The following CNTNAP2 variants were observed in gnomAD, a reference collection of about 807,000 sequenced individuals.
The protein encoded by CNTNAP2 is contactin-associated protein-like 2.
In CNTNAP2, 98 loss-of-function variants were observed where a neutral mutation model predicts 155.2. The ratio of observed to expected loss-of-function variants is 0.63; its 90% CI spans 0.54 to 0.75. The LOEUF is 0.75. Ranked by LOEUF, CNTNAP2 falls within the 30% of genes least tolerant of loss-of-function variation. The pLI is 0.00. For synonymous variants in CNTNAP2, 651 were observed against 631.2 expected (o/e 1.03, Z -0.47); for missense variants, 1,727 against 1,688.1 (o/e 1.02, Z -0.40).
intron 21 of CNTNAP2, among the ~76,000 whole-genome samples, chr7:148,373,592 G>A (rs1798929249): frequency 6.6e-6 from 1 of 152,178 alleles, no homozygotes; most frequent in Non-Finnish European, 1.5e-5. Flanking sequence ...GTTCATCCTT[G>A]ACCAAAGCAT....
At position 147,567,814 on chromosome 7, in the gene CNTNAP2, G is replaced by A. The variant is rs376736912; in HGVS notation, c.1897+5557G>A. Among the ~76,000 whole-genome samples the A allele has an allele frequency of 5.3e-5, 8 of 152,300 alleles. 1 individual carries two copies. In the South Asian group the frequency reaches 6.2e-4, roughly 12 times the overall value. On this transcript the variant is annotated intron_variant, in intron 12 of 23. Transcript: ENST00000361727. ...AAAAAAAAAATCTTTGGCCGGGCAC[G>A]GCGGCTCATGCCTGTAATCCCAGCA...
intron 3 of CNTNAP2, among the ~76,000 whole-genome samples, chr7:146,840,979 G>A (rs561480243): frequency 1.3e-5 from 2 of 152,270 alleles, no homozygotes; most frequent in East Asian, 3.9e-4. Context: ...AGCAAGTAGT[G>A]GGAAAAATGC....
chr7:147,427,360 T>C (rs556365423), intron 10 of CNTNAP2, among the ~76,000 whole-genome samples: 3 of 152,156 alleles, frequency 2.0e-5, no homozygotes, highest in Non-Finnish European at 4.4e-5. Flanking sequence ...CCTGGAAGTA[T>C]GTGGAATGGC....
intron 1 of CNTNAP2, among the ~76,000 whole-genome samples, chr7:146,395,826 G>GGAGA (rs35033097): frequency 0.029 from 3,377 of 116,714 alleles, 95 homozygotes; most frequent in African/African-American, 0.073. Context: ...GATAGATAGA[G>GGAGA]GAGAGAGAGA....
intron 8 of CNTNAP2, among the ~76,000 whole-genome samples, chr7:147,199,364 C>G (rs1001558932): frequency 1.3e-5 from 2 of 152,174 alleles, no homozygotes; most frequent in South Asian, 4.1e-4. Flanking sequence ...TAAAATTTCA[C>G]AGCAAGATGC....
At chr7:146,900,571 T>C (rs979966834) in intron 3 of CNTNAP2, among the ~76,000 whole-genome samples, 1 of 152,302 alleles carries the variant, frequency 6.6e-6, no homozygotes, top group Admixed American at 6.5e-5. Flanking sequence ...CCTATCTTGC[T>C]AGTCCCATCT....
At chr7:148,240,466 C>T (rs1454350439) in intron 20 of CNTNAP2, among the ~76,000 whole-genome samples, 3 of 152,110 alleles carry the variant, frequency 2.0e-5, no homozygotes, top group Non-Finnish European at 2.9e-5. Context: ...CAGCACGTAA[C>T]GAGATTTCCC....
intron 4 of CNTNAP2, among the ~76,000 whole-genome samples, chr7:147,106,001 G>A (rs543245236): frequency 4.6e-5 from 7 of 152,124 alleles, no homozygotes; most frequent in Admixed American, 3.9e-4. Flanking sequence ...AGACAGGAAT[G>A]CATTAACATT....
At chr7:147,231,749 A>G (rs557190310) in intron 8 of CNTNAP2, among the ~76,000 whole-genome samples, 1 of 152,296 alleles carries the variant, frequency 6.6e-6, no homozygotes, top group East Asian at 1.9e-4. Context: ...ATGTCTCTTC[A>G]GGTCCTTGGC....
intron 1 of CNTNAP2, among the ~76,000 whole-genome samples, chr7:146,405,931 A>T (rs546313701): frequency 6.6e-6 from 1 of 152,358 alleles, no homozygotes; most frequent in South Asian, 2.1e-4. Flanking sequence ...AATAATATTT[A>T]AAGCATGAGT....
At chr7:146,201,460 A>G (rs1373754156) in intron 1 of CNTNAP2, among the ~76,000 whole-genome samples, 5 of 152,202 alleles carry the variant, frequency 3.3e-5, no homozygotes, top group Admixed American at 6.6e-5. Flanking sequence ...CTGGATGTTC[A>G]AGATACATTA....
intron 1 of CNTNAP2, among the ~76,000 whole-genome samples, chr7:146,752,398 A>T (rs1292024346): frequency 6.6e-6 from 1 of 151,864 alleles, no homozygotes; most frequent in Non-Finnish European, 1.5e-5. Context: ...TTTTTTTCCT[A>T]TGTTTCTTGG....
intron 1 of CNTNAP2, among the ~76,000 whole-genome samples, chr7:146,750,227 C>T (rs1801880294): frequency 6.6e-6 from 1 of 152,064 alleles, no homozygotes; most frequent in African/African-American, 2.4e-5. Context: ...ATACAGATTC[C>T]ATTTTGTTCT....
chr7:147,363,738 G>A (rs913937216), intron 9 of CNTNAP2, among the ~76,000 whole-genome samples: 3 of 151,676 alleles, frequency 2.0e-5, no homozygotes, highest in Non-Finnish European at 4.4e-5. Context: ...GCATTTATAG[G>A]GCCTTAGGGA....
At chr7:147,542,135 G>A (rs906097089) in intron 11 of CNTNAP2, among the ~76,000 whole-genome samples, 1 of 152,142 alleles carries the variant, frequency 6.6e-6, no homozygotes, top group Non-Finnish European at 1.5e-5. Context: ...GCCGGACACA[G>A]TGGCTACAGT....
intron 13 of CNTNAP2, among the ~76,000 whole-genome samples, chr7:147,752,525 G>C (rs189359232): frequency 6.6e-6 from 1 of 152,172 alleles, no homozygotes; most frequent in Non-Finnish European, 1.5e-5. Context: ...GTGTGTACAG[G>C]AAGGGGCCTT....
At chr7:147,516,088 A>G (rs898384866) in intron 11 of CNTNAP2, among the ~76,000 whole-genome samples, 6 of 152,252 alleles carry the variant, frequency 3.9e-5, no homozygotes, top group Non-Finnish European at 8.8e-5. Context: ...AGAGACTTAC[A>G]AAATCTAGAT....
intron 14 of CNTNAP2, among the ~76,000 whole-genome samples, chr7:147,911,798 A>T (rs910847008): frequency 3.3e-5 from 5 of 152,244 alleles, no homozygotes; most frequent in African/African-American, 1.2e-4. Flanking sequence ...CCCCTTTTTA[A>T]GATGGAATAA....
intron 4 of CNTNAP2, among the ~76,000 whole-genome samples, chr7:147,071,472 G>T (rs1799890542): frequency 6.6e-6 from 1 of 152,004 alleles, no homozygotes; most frequent in Admixed American, 6.6e-5. Context: ...CTACATAACT[G>T]CAGTCCCCAA....
Sources: gnomAD v4.1 joint callset for allele counts (sites outside exome capture counted in the v4.1 genomes callset) on GRCh38, gnomAD v4.1.1 for gene constraint, MANE v1.5 for transcripts, NCBI Gene and HGNC (gene_info 2026-07-23, HGNC 2026-07-21) for gene names.